BRMS1L: variants seen among roughly 807,000 people sequenced by gnomAD.
The protein encoded by BRMS1L is breast cancer metastasis-suppressor 1-like protein.
In BRMS1L, 23 loss-of-function variants were observed where a neutral mutation model predicts 50.3. The observed-to-expected ratio is 0.46, with a 90% CI of 0.33 to 0.65. The LOEUF (loss-of-function observed/expected upper bound fraction) is 0.65. BRMS1L is among the 30% of genes least tolerant of loss of function. The pLI is 0.02. For synonymous variants in BRMS1L, 114 were observed against 126.9 expected (o/e 0.90, Z 0.69); for missense variants, 286 against 386.1 (o/e 0.74, Z 2.17).
chr14:35,840,247 T>C (rs2078045657), intron 4 of BRMS1L, among the ~76,000 whole-genome samples: 2 of 152,232 alleles, frequency 1.3e-5, no homozygotes, highest in Admixed American at 1.3e-4. Context: ...ATAAGCTTTT[T>C]GATGTGCTGC....
intron 1 of BRMS1L, among the ~76,000 whole-genome samples, chr14:35,829,304 G>A (rs1336922770): frequency 6.6e-6 from 1 of 152,164 alleles, no homozygotes; most frequent in African/African-American, 2.4e-5. Context: ...TTGCATTTAT[G>A]ATAGGAGCAA....
intron 5 of BRMS1L, among the ~76,000 whole-genome samples, 179 bp from the exon 6 acceptor site, chr14:35,863,691 C>T (rs1035990497): frequency 6.6e-6 from 1 of 152,142 alleles, no homozygotes; most frequent in South Asian, 2.1e-4. Flanking sequence ...AAAGGCAGAG[C>T]AAAACTTAAA....
intron 4 of BRMS1L, among the ~76,000 whole-genome samples, chr14:35,840,451 C>T (rs2078048191): frequency 6.6e-6 from 1 of 152,134 alleles, no homozygotes; most frequent in South Asian, 2.1e-4. Context: ...ATGCTACCAG[C>T]TCCTCTTTGT....
At position 35,867,341 on chromosome 14, in the gene BRMS1L, A is replaced by G. The variant is rs1323134402; in HGVS notation, c.728-565A>G. ...AGACCTCTCAGGAGCTGACATTTGAATGACTTCATGGTATGCTTTTGACAC... is the reference window on the plus strand; with the variant it reads ...AGACCTCTCAGGAGCTGACATTTGAGTGACTTCATGGTATGCTTTTGACAC... On this transcript the variant is annotated intron_variant, in intron 8 of 9. Coordinates refer to ENST00000216807, the MANE Select transcript of BRMS1L (RefSeq NM_032352.4). Among the ~76,000 whole-genome samples, 4 of 152,172 alleles carry G rather than the reference A, an allele frequency of 2.6e-5. No homozygotes were observed. In the East Asian group the frequency reaches 7.7e-4, roughly 29 times the overall value.
Position 35,871,214 on chromosome 14 carries a change from C to T in BRMS1L, c.*737C>T, listed in dbSNP as rs1213912363. 1 of 152,370 alleles carries T rather than the reference C, an allele frequency of 6.6e-6. No individual in the cohort carries two copies. Among genetic ancestry groups the T allele is most frequent in the Non-Finnish European group, 1.5e-5 (1 of 67,990 alleles). The allele number at this position is 152,370 out of a possible 1,614,324, so 9.4% of individuals were successfully genotyped here. The stretch of plus-strand genomic sequence containing the variant: ...ACCCTTTAGCGGCAGGTATTTATAC[C>T]TGGTATTTATGATGCAGTATATAAG... On this transcript the variant is annotated 3_prime_UTR_variant, in exon 10 of 10. Coordinates refer to ENST00000216807, the MANE Select transcript of BRMS1L (RefSeq NM_032352.4).
chr14:35,860,534 T>G (rs914109276), intron 4 of BRMS1L, among the ~76,000 whole-genome samples: 1 of 152,042 alleles, frequency 6.6e-6, no homozygotes, highest in Non-Finnish European at 1.5e-5. Context: ...GTTTCTAAGT[T>G]TTAAAATTCT....
chr14:35,871,022 A>G lies in BRMS1L; in HGVS notation c.*545A>G, dbSNP rs879837355. ...ACCTTACAATCTTGTTTTACCCAAA[A>G]TTAAGCTATTGGGGTTGAAAGCTAA... On this transcript the variant is annotated 3_prime_UTR_variant, in exon 10 of 10. Coordinates refer to ENST00000216807, the MANE Select transcript of BRMS1L (RefSeq NM_032352.4). The G allele has an allele frequency of 2.6e-5, 4 of 152,622 alleles. No homozygotes were observed. Among genetic ancestry groups the G allele is most frequent in the Non-Finnish European group, 5.9e-5 (4 of 68,014 alleles). The allele number at this position is 152,622 out of a possible 1,614,324, so 9.5% of individuals were successfully genotyped here. A position where few individuals can be genotyped will look rare whatever the true frequency, so the allele number is the denominator to read the frequency against.
At chr14:35,855,842 T>C (rs1384773568) in intron 4 of BRMS1L, among the ~76,000 whole-genome samples, 1 of 152,190 alleles carries the variant, frequency 6.6e-6, no homozygotes, top group Admixed American at 6.5e-5. Flanking sequence ...TTCAACAACA[T>C]TATGGAATAG....
In BRMS1L at chr14:35,831,736, A is replaced by G. The variant is rs532606273; in HGVS notation, c.233+236A>G. Among the ~76,000 whole-genome samples the G allele has an allele frequency of 2.2e-4, 33 of 152,268 alleles. 1 individual carries two copies. In the South Asian group the frequency reaches 6.4e-3, roughly 30 times the overall value. On this transcript the variant is annotated intron_variant, in intron 2 of 9. Transcript: ENST00000216807. ...GGAGTTGGAGACCAGCCTGGGCAAC[A>G]TCGGAAGACCTGGTCTCCATAAAAT...
intron 4 of BRMS1L, among the ~76,000 whole-genome samples, chr14:35,839,402 T>G (rs1282402240): frequency 1.3e-5 from 2 of 152,148 alleles, no homozygotes; most frequent in Non-Finnish European, 2.9e-5. Context: ...TTCTAACTCT[T>G]TGAAGAAAGT....
chr14:35,835,994 C>G (rs1287963759), intron 4 of BRMS1L, among the ~76,000 whole-genome samples: 1 of 152,178 alleles, frequency 6.6e-6, no homozygotes, highest in African/African-American at 2.4e-5. Context: ...CTTTAATGTG[C>G]CGTAAACTAA....
intron 3 of BRMS1L, 122 bp from the exon 4 acceptor site, chr14:35,834,722 C>G (rs922721953): frequency 2.9e-5 from 15 of 513,210 alleles, no homozygotes; most frequent in Middle Eastern, 3.7e-4. Flanking sequence ...CAAAGTTAGA[C>G]TCACTTTTCA....
intron 1 of BRMS1L, among the ~76,000 whole-genome samples, chr14:35,830,181 T>A (rs1356134066): frequency 6.6e-6 from 1 of 152,230 alleles, no homozygotes; most frequent in Non-Finnish European, 1.5e-5. Flanking sequence ...GCGATTCTCC[T>A]GCCTCAACCT....
intron 4 of BRMS1L, among the ~76,000 whole-genome samples, chr14:35,858,344 G>A (rs577419303): frequency 2.6e-5 from 4 of 152,234 alleles, no homozygotes; most frequent in Non-Finnish European, 4.4e-5. Context: ...AGCTGCATCT[G>A]TCTTCTTGGG....
At chr14:35,840,416 A>C (rs902604614) in intron 4 of BRMS1L, among the ~76,000 whole-genome samples, 1 of 151,978 alleles carries the variant, frequency 6.6e-6, no homozygotes, top group Non-Finnish European at 1.5e-5. Context: ...CTCTTTTTCT[A>C]TTGTTTAGAA....
chr14:35,849,030 A>G (rs2078174648), intron 4 of BRMS1L, among the ~76,000 whole-genome samples: 2 of 151,458 alleles, frequency 1.3e-5, no homozygotes, highest in Admixed American at 6.6e-5. Flanking sequence ...TTCTTTTTCA[A>G]TTTTTTATAG....
chr14:35,867,808 T>C, intron 8 of BRMS1L, 98 bp from the exon 9 acceptor site: 2 of 1,187,734 alleles, frequency 1.7e-6, no homozygotes, highest in East Asian at 5.7e-5. Flanking sequence ...AGGCCTTTTT[T>C]ACATATGCAT....
intron 4 of BRMS1L, among the ~76,000 whole-genome samples, chr14:35,860,010 G>A (rs1407794788): frequency 2.6e-5 from 4 of 151,770 alleles, no homozygotes; most frequent in Non-Finnish European, 5.9e-5. Flanking sequence ...CTTATATATT[G>A]TTTCTTTAAT....
chr14:35,826,504 G>A lies in BRMS1L; in HGVS notation c.-13G>A, dbSNP rs779181407. The A allele has an allele frequency of 8.9e-6, 14 of 1,572,544 alleles. No homozygotes were observed. In the Middle Eastern group the frequency reaches 5.0e-4, roughly 56 times the overall value. On this transcript the variant is annotated 5_prime_UTR_variant, in exon 1 of 10. Coordinates refer to ENST00000216807, the MANE Select transcript of BRMS1L (RefSeq NM_032352.4). Reference sequence around the variant, plus strand: ...TGGGCGCCGGTAGTGGAAAGCGACGGCGCGGCTGGAAAATGCCAGTCCATT... The same window carrying A: ...TGGGCGCCGGTAGTGGAAAGCGACGACGCGGCTGGAAAATGCCAGTCCATT...
Sources: gnomAD v4.1 joint callset for allele counts (sites outside exome capture counted in the v4.1 genomes callset) on GRCh38, gnomAD v4.1.1 for gene constraint, MANE v1.5 for transcripts, NCBI Gene and HGNC (gene_info 2026-07-23, HGNC 2026-07-21) for gene names.